The following RBFOX1 variants were observed in gnomAD, a reference collection of about 807,000 sequenced individuals.
The protein encoded by RBFOX1 is RNA binding protein fox-1 homolog 1.
Under a neutral mutation model 57.7 loss-of-function variants are expected in RBFOX1, and 8 were observed. The ratio of observed to expected loss-of-function variants is 0.14; its 90% confidence interval spans 0.08 to 0.25. The LOEUF (loss-of-function observed/expected upper bound fraction) is 0.25. Among genes scored for constraint, RBFOX1 ranks in the 10% least tolerant of loss-of-function variants. The probability of loss-of-function intolerance (pLI) is 1.00; values close to 1 mark genes in which losing one functional copy is unlikely to be tolerated. For missense variants in RBFOX1, 611 were observed against 548.5 expected (o/e 1.11, Z -1.14); for synonymous variants, 326 against 222.4 (o/e 1.47, Z -4.15).
At position 6,416,193 on chromosome 16, in the gene RBFOX1, C is replaced by A. The variant is rs563480251; in HGVS notation, c.-64+99136C>A. ...AAATTGTTTGAGTCTCTCGCTTATG[C>A]GGAAGGAGAAGGGCTCCTCTGTAAT... On this transcript the variant is annotated intron_variant, in intron 2 of 15. Coordinates refer to ENST00000550418, the MANE Select transcript of RBFOX1 (RefSeq NM_018723.4). Among the ~76,000 whole-genome samples, 13 of 152,280 alleles carry A rather than the reference C, an allele frequency of 8.5e-5. No homozygotes were observed. The South Asian group carries it at 2.7e-3, about 32-fold the overall frequency.
rs554524080 is a variant in RBFOX1 at position 7,475,504 on chromosome 16, C to T, written c.28-42643C>T. On this transcript the variant is annotated intron_variant, in intron 4 of 15. Transcript: ENST00000550418. ...TAACTTTTTGTATTTTTAGTAGAGA[C>T]GGCGTTTCACCGTGTTAGGCATGAT... Among the ~76,000 whole-genome samples the T allele has an allele frequency of 4.5e-4, 68 of 152,044 alleles. 1 individual carries two copies. The highest frequency in any genetic ancestry group is 2.9e-3 in the South Asian group (14 of 4,812).
At chr16:5,515,130 C>T (rs562270732) in intron 2 of RBFOX1, among the ~76,000 whole-genome samples, 14 of 152,346 alleles carry the variant, frequency 9.2e-5, no homozygotes, top group South Asian at 4.1e-4. Flanking sequence ...CATGAGGACT[C>T]GGCCCCCATG....
At chr16:7,390,831 C>G (rs1320862619) in intron 4 of RBFOX1, among the ~76,000 whole-genome samples, 1 of 152,030 alleles carries the variant, frequency 6.6e-6, no homozygotes, top group African/African-American at 2.4e-5. Context: ...CAGATTCCAA[C>G]AATCGAGTTG....
chr16:7,400,123 T>C (rs980106278), intron 4 of RBFOX1, among the ~76,000 whole-genome samples: 2 of 152,158 alleles, frequency 1.3e-5, no homozygotes, highest in Non-Finnish European at 2.9e-5. Flanking sequence ...ACAGTTGGTA[T>C]CCTAATCCGG....
chr16:6,831,708 C>A (rs2092720447), intron 3 of RBFOX1, among the ~76,000 whole-genome samples: 1 of 152,132 alleles, frequency 6.6e-6, no homozygotes, highest in South Asian at 2.1e-4. Context: ...CTCTTTGCCC[C>A]TTCCTCCATC....
Position 5,776,395 on chromosome 16 carries a change from C to A in RBFOX1, c.319-90908C>A, listed in dbSNP as rs151007660. On this transcript the variant is annotated intron_variant, in intron 3 of 19. Transcript: ENST00000641259. ...TTCCTTCAGCAGCATGAGACCACGGCCACCATTTTAACCTGCATCCCTCTG... is the reference window on the plus strand; with the variant it reads ...TTCCTTCAGCAGCATGAGACCACGGACACCATTTTAACCTGCATCCCTCTG... 7.2e-4 allele frequency among the ~76,000 whole-genome samples: 110 copies of A among 152,316 alleles called. 1 individual carries two copies. The highest frequency in any genetic ancestry group is 2.5e-3 in the African/African-American group (102 of 41,572).
Position 5,875,203 on chromosome 16 carries a change from G to A in RBFOX1, c.351+7868G>A, listed in dbSNP as rs190049946. On this transcript the variant is annotated intron_variant, in intron 4 of 19. Coordinates refer to the RBFOX1 transcript ENST00000641259. The stretch of plus-strand genomic sequence containing the variant: ...TCCCAAGCACTGCATTATCTTTACA[G>A]CAATCTTTGAAATAACTGTGAATGC... Among the ~76,000 whole-genome samples, 444 of 152,264 alleles carry A rather than the reference G, an allele frequency of 2.9e-3. 3 individuals carry two copies. The highest frequency in any genetic ancestry group is 4.4e-3 in the Non-Finnish European group (302 of 68,020).
intron 1 of RBFOX1, among the ~76,000 whole-genome samples, chr16:5,452,977 C>T (rs769912445): frequency 2.6e-5 from 4 of 152,168 alleles, no homozygotes; most frequent in African/African-American, 4.8e-5. Flanking sequence ...GTCTTCAAGG[C>T]CCTTAGGGTG....
chr16:5,813,752 C>G (rs114154873), intron 3 of RBFOX1, among the ~76,000 whole-genome samples: 2 of 152,170 alleles, frequency 1.3e-5, no homozygotes, highest in African/African-American at 2.4e-5. Context: ...GGCATCAGCA[C>G]GTGCTTACTA....
chr16:7,496,135 CTTTTTA>C (rs1182473722), intron 4 of RBFOX1, among the ~76,000 whole-genome samples: 2 of 152,018 alleles, frequency 1.3e-5, no homozygotes, highest in African/African-American at 2.4e-5. Context: ...GTTTCCTCAC[CTTTTTA>C]TTTTATTTTG....
intron 3 of RBFOX1, among the ~76,000 whole-genome samples, chr16:7,037,134 C>A (rs541795081): frequency 4.6e-5 from 7 of 151,594 alleles, no homozygotes; most frequent in African/African-American, 1.7e-4. Flanking sequence ...AAGGTCCTTA[C>A]GACCTGTATC....
At chr16:6,945,308 T>TCTCAAACGCAGATGCTTACCTAGGGCC (rs2079282265) in intron 3 of RBFOX1, among the ~76,000 whole-genome samples, 2 of 152,018 alleles carry the variant, frequency 1.3e-5, no homozygotes, top group African/African-American at 4.8e-5. Flanking sequence ...ACACTAGGGG[T>TCTCAAACGCAGATGCTTACCTAGGGCC]CTCAAACGCA....
intron 2 of RBFOX1, among the ~76,000 whole-genome samples, chr16:6,418,007 G>C (rs1267011599): frequency 7.0e-6 from 1 of 143,610 alleles, no homozygotes; most frequent in Non-Finnish European, 1.5e-5. Flanking sequence ...GAATGATCAA[G>C]ATCAAATAAG....
At chr16:5,785,676 C>T (rs1050168243) in intron 3 of RBFOX1, among the ~76,000 whole-genome samples, 4 of 152,056 alleles carry the variant, frequency 2.6e-5, no homozygotes, top group South Asian at 2.1e-4. Flanking sequence ...TACAGGCATG[C>T]ACCACCATAC....
chr16:6,237,920 G>A (rs140771423), intron 1 of RBFOX1, among the ~76,000 whole-genome samples: 1,866 of 151,688 alleles, frequency 0.012, 16 homozygotes, highest in Middle Eastern at 0.038. Context: ...GTGAAACCCT[G>A]CCTCTACAAA....
chr16:6,156,036 G>A (rs2096836093), intron 1 of RBFOX1, among the ~76,000 whole-genome samples: 1 of 152,194 alleles, frequency 6.6e-6, no homozygotes. Flanking sequence ...CTGGGGCAGA[G>A]AAAAATGAGG....
At position 5,574,576 on chromosome 16, in the gene RBFOX1, A is replaced by G. The variant is rs537125286; in HGVS notation, c.259-24326A>G. ...GATTACGGTGCCTGCCACCACGCCC[A>G]GCAATTTTTTGTTTGTTTGTTTGTT... On this transcript the variant is annotated intron_variant, in intron 2 of 2. Transcript: ENST00000585867. Among the ~76,000 whole-genome samples, 4 of 151,998 alleles carry G rather than the reference A, an allele frequency of 2.6e-5. No individual in the cohort carries two copies. The South Asian group carries it at 8.3e-4, about 32-fold the overall frequency.
chr16:6,620,696 C>A (rs1180939239), intron 2 of RBFOX1, among the ~76,000 whole-genome samples: 2 of 152,104 alleles, frequency 1.3e-5, no homozygotes, highest in Non-Finnish European at 2.9e-5. Flanking sequence ...CACAGAAATA[C>A]AAACAACCAT....
intron 3 of RBFOX1, among the ~76,000 whole-genome samples, chr16:5,700,136 T>G (rs2050992781): frequency 6.6e-6 from 1 of 152,196 alleles, no homozygotes; most frequent in Non-Finnish European, 1.5e-5. Context: ...CTGGCCAGTG[T>G]TCTGGTTTTA....
Sources: allele counts gnomAD v4.1 joint callset (sites outside exome capture counted in the v4.1 genomes callset), GRCh38; gene constraint gnomAD v4.1.1; transcripts MANE v1.5; gene names NCBI Gene and HGNC (gene_info 2026-07-23, HGNC 2026-07-21).